GUSB: variants seen among roughly 807,000 people sequenced by gnomAD.
GUSB encodes the protein glucuronidase beta.
A neutral mutation model predicts 74.6 loss-of-function variants in GUSB; 51 were observed. That is an observed-to-expected ratio of 0.68 (90% CI 0.55 to 0.86). GUSB has a LOEUF of 0.86. GUSB is among the 40% of genes least tolerant of loss of function. The pLI, the probability that GUSB is intolerant of heterozygous loss-of-function variation, is 0.00. For missense variants in GUSB, 736 were observed against 853.7 expected (o/e 0.86, Z 1.72); for synonymous variants, 360 against 348.3 (o/e 1.03, Z -0.37).
At chr7:65,966,477 CA>C (rs1435279995) in intron 10 of GUSB, among the ~76,000 whole-genome samples, 1 of 151,422 alleles carries the variant, frequency 6.6e-6, no homozygotes, top group Non-Finnish European at 1.5e-5. Context: ...GTGAGGAGGA[CA>C]AAAAAATGAG....
At chr7:65,967,585 G>A (rs1031410008) in intron 10 of GUSB, 146 bp downstream of exon 10, 11 of 736,306 alleles carry the variant, frequency 1.5e-5, no homozygotes, top group Admixed American at 3.9e-5. Context: ...GGCTGTTGGC[G>A]GTGAGGGAAC....
Position 65,981,992 on chromosome 7 carries a change from G to A in GUSB, c.192C>T (p.Tyr64=), listed in dbSNP as rs879696482. 60 of 1,608,386 alleles carry A rather than the reference G, an allele frequency of 3.7e-5. No individual in the cohort carries two copies. Among genetic ancestry groups the A allele is most frequent in the Non-Finnish European group, 4.9e-5 (58 of 1,179,128 alleles). The change falls in exon 1 of 12, where the codon TAC becomes TAT. Residue 64 remains tyrosine (Y), a synonymous_variant. Coordinates refer to ENST00000304895, the MANE Select transcript of GUSB (RefSeq NM_000181.4). ...ATCGCACCTCCCACAGCGGCCGCCG[G>A]TACCACTGCTCCTCGAAGCCCCGGC... ...NRRRGFEEQW[Y]RRPLWESGPT...
At chr7:65,971,685 T>C (rs1791221955) in intron 8 of GUSB, among the ~76,000 whole-genome samples, 1 of 149,270 alleles carries the variant, frequency 6.7e-6, no homozygotes, top group Admixed American at 6.7e-5. Flanking sequence ...TGAGCCAAAA[T>C]TGCACCAGTG....
At chr7:65,970,467 C>T (rs1056264872) in intron 8 of GUSB, 101 bp from the exon 9 acceptor site, 7 of 757,122 alleles carry the variant, frequency 9.2e-6, no homozygotes, top group South Asian at 2.8e-5. Context: ...GAACACAACA[C>T]GGGGCCAGGC....
At position 65,967,722 on chromosome 7, in the gene GUSB, A is replaced by G. The variant is rs779693654; in HGVS notation, c.1653+9T>C. 2 of 1,611,236 alleles carry G rather than the reference A, an allele frequency of 1.2e-6. No homozygotes were observed. The highest frequency in any genetic ancestry group is 2.2e-5 in the East Asian group (1 of 44,854). On this transcript the variant is annotated intron_variant, in intron 10 of 11. Coordinates refer to ENST00000304895, the MANE Select transcript of GUSB (RefSeq NM_000181.4). The stretch of plus-strand genomic sequence containing the variant: ...AGAACACACAAGCAGAAAGCTCAAC[A>G]CTGCTTACCTGGTGAAACCCTGCAA...
chr7:65,979,644 G>C, intron 3 of GUSB, 83 bp downstream of exon 3: 4 of 1,591,880 alleles, frequency 2.5e-6, no homozygotes, highest in Non-Finnish European at 3.4e-6. Context: ...TCCACTCTGT[G>C]AAGGCCACCC....
chr7:65,979,486 C>T lies in GUSB; in HGVS notation c.637G>A (p.Gly213Arg), dbSNP rs750505590. 2 of 1,613,942 alleles carry T rather than the reference C, an allele frequency of 1.2e-6. No individual in the cohort carries two copies. The highest frequency in any genetic ancestry group is 2.2e-5 in the South Asian group (2 of 91,078). Residue 213 changes from glycine (G) to arginine (R), a missense_variant, in exon 4 of 12, where the codon GGA becomes AGA. Around this residue, in one of 2 missense-constraint regions of GUSB, gnomAD observed 368 missense variants for 363.8 expected, o/e 1.01. Transcript: ENST00000304895. ...NTYFDFFNYA[G>R]LQRSVLLYTT... is the part of the protein sequence containing the mutation. Reference sequence around the variant, plus strand: ...TACAGAAGTACAGACCGCTGCAGTCCAGCGTAGTTGAAAAAGTCAAAATAT... The same window carrying T: ...TACAGAAGTACAGACCGCTGCAGTCTAGCGTAGTTGAAAAAGTCAAAATAT...
chr7:65,976,454 T>C (rs1205266064), intron 4 of GUSB, among the ~76,000 whole-genome samples: 1 of 151,928 alleles, frequency 6.6e-6, no homozygotes, highest in Non-Finnish European at 1.5e-5. Context: ...GCCTCCCAAG[T>C]ACCTGGGATT....
At chr7:65,979,306 T>C in intron 4 of GUSB, 93 bp downstream of exon 4, 1 of 1,244,130 alleles carries the variant, frequency 8.0e-7, no homozygotes, top group South Asian at 1.2e-5. Context: ...GTAGAGATGC[T>C]GGGAGCACCT....
intron 8 of GUSB, 101 bp from the exon 9 acceptor site, chr7:65,970,467 C>A (rs1056264872): frequency 1.3e-6 from 1 of 757,240 alleles, no homozygotes; most frequent in Non-Finnish European, 2.3e-6. Context: ...GAACACAACA[C>A]GGGGCCAGGC....
In GUSB at chr7:65,979,446, G is replaced by T; in HGVS notation, c.677C>A (p.Thr226Asn). The change falls in exon 4 of 12, where the codon ACC becomes AAC. Residue 226 changes from threonine (T) to asparagine (N), a missense_variant. Physicochemically the swap from Thr to Asn is moderately conservative, Grantham distance 65. Transcript: ENST00000304895. ...RSVLLYTTPT[T>N]YIDDITVTTS... ...GGTGACGGTGATGTCATCGATGTAG[G>T]TGGTGGGTGTCGTGTACAGAAGTAC... The T allele has an allele frequency of 6.2e-7, 1 of 1,614,018 alleles. No individual in the cohort carries two copies. The highest frequency in any genetic ancestry group is 8.5e-7 in the Non-Finnish European group (1 of 1,179,880).
Position 65,960,864 on chromosome 7 carries a change from G to C in GUSB, c.*33C>G. On this transcript the variant is annotated 3_prime_UTR_variant, in exon 12 of 12. Coordinates refer to ENST00000304895, the MANE Select transcript of GUSB (RefSeq NM_000181.4). Reference sequence around the variant, plus strand: ...GCTGTGGAAGTCGCCCTGACTCGGGGAGGAAGGGACACGCAGGTGGTATCA... The same window carrying C: ...GCTGTGGAAGTCGCCCTGACTCGGGCAGGAAGGGACACGCAGGTGGTATCA... 6.3e-7 allele frequency: 1 copy of C among 1,598,866 alleles called. No individual in the cohort carries two copies.
At chr7:65,974,178 C>G (rs964404523) in intron 8 of GUSB, 117 bp downstream of exon 8, 4 of 913,768 alleles carry the variant, frequency 4.4e-6, no homozygotes, top group Admixed American at 3.8e-5. Context: ...TGGGTATGGA[C>G]GGCCTTCCCA....
chr7:65,968,610 G>C (rs1026384465), intron 9 of GUSB, among the ~76,000 whole-genome samples: 27 of 152,194 alleles, frequency 1.8e-4, no homozygotes, highest in African/African-American at 6.3e-4. Context: ...TTTGGAGACA[G>C]AGTCTCGCTC....
chr7:65,974,923 G>A lies in GUSB; in HGVS notation c.1061C>T (p.Ala354Val), dbSNP rs121918175. 7.4e-6 allele frequency: 12 copies of A among 1,613,596 alleles called. No homozygotes were observed. Among genetic ancestry groups the A allele is most frequent in the East Asian group, 4.5e-5 (2 of 44,878 alleles). Residue 354 changes from alanine (A) to valine (V), a missense_variant, in exon 6 of 12, where the codon GCG (alanine) becomes GTG (valine). Coordinates refer to ENST00000304895, the MANE Select transcript of GUSB (RefSeq NM_000181.4). ...YFHGVNKHED[A>V]DIRGKGFDWP... Reference sequence around the variant, plus strand: ...GACCCAGGAGCCCCAACACACGTCCGCATCCTCATGCTTGTTGACACCGTG... The same window carrying A: ...GACCCAGGAGCCCCAACACACGTCCACATCCTCATGCTTGTTGACACCGTG...
rs1173385478 is a variant in GUSB at position 65,976,214 on chromosome 7, AAG to A, written c.725-14_725-13del. The A allele has an allele frequency of 6.2e-7, 1 of 1,603,820 alleles. No homozygotes were observed. On this transcript the variant is annotated splice_polypyrimidine_tract_variant and intron_variant, in intron 4 of 11. Coordinates refer to ENST00000304895, the MANE Select transcript of GUSB (RefSeq NM_000181.4). The stretch of plus-strand genomic sequence containing the variant: ...GTAATTCACCAGCCCTGCAAGAAAC[AAG>A]AGAGACCAGGGCTGAGGGAGGGACA...
chr7:65,965,180 A>G (rs1023547775), intron 10 of GUSB, among the ~76,000 whole-genome samples: 84 of 152,072 alleles, frequency 5.5e-4, no homozygotes, highest in African/African-American at 2.0e-3. Context: ...TCGAGACAGG[A>G]GGATCACTTC....
chr7:65,964,477 A>T lies in GUSB; in HGVS notation c.1654-19T>A. 1 of 1,608,960 alleles carries T rather than the reference A, an allele frequency of 6.2e-7. No homozygotes were observed. The highest frequency in any genetic ancestry group is 8.5e-7 in the Non-Finnish European group (1 of 1,177,288). ...GTGGATCCTAGGATTCAAGGCAAAG[A>T]GAATGTAAGAGTCAGAACTGGCAGA... On this transcript the variant is annotated intron_variant, in intron 10 of 11. Transcript: ENST00000304895.
chr7:65,972,444 G>C (rs1365286280), intron 8 of GUSB, among the ~76,000 whole-genome samples: 1 of 152,146 alleles, frequency 6.6e-6, no homozygotes, highest in African/African-American at 2.4e-5. Context: ...GATTACAGGC[G>C]TGAGCCACCG....
Sources: allele counts gnomAD v4.1 joint callset (sites outside exome capture counted in the v4.1 genomes callset), GRCh38; gene constraint gnomAD v4.1.1; regional missense constraint gnomAD v4.1.1; transcripts MANE v1.5; gene names NCBI Gene and HGNC (gene_info 2026-07-23, HGNC 2026-07-21).